Variants in RTL4 observed in about 807,000 individuals in gnomAD.
RTL4 encodes retrotransposon Gag-like protein 4.
Under a neutral mutation model 5.3 loss-of-function variants are expected in RTL4, and 4 were observed. The ratio of observed to expected loss-of-function variants is 0.75; its 90% CI spans 0.37 to 1.72. The LOEUF (loss-of-function observed/expected upper bound fraction) is 1.72, where lower values mean the gene tolerates loss of function less well. Among genes scored for constraint, RTL4 ranks in the 40% most tolerant of loss-of-function variants. RTL4 has a pLI of 0.04. For synonymous variants in RTL4, 98 were observed against 87.3 expected (o/e 1.12, Z -0.68); for missense variants, 260 against 227.1 (o/e 1.14, Z -0.93).
the RTL4 span, among the ~76,000 whole-genome samples, chrX:112,419,581 A>ATATATATTTACATATGTATATG: frequency 1.1e-4 from 4 of 36,000 alleles, no homozygotes; most frequent in South Asian, 1.8e-3. Context: ...GGTAGTATAT[A>ATATATATTTACATATGTATATG]TATATATATA....
rs777394398 is a variant in RTL4 at position 112,456,550 on chromosome X, A to AT, written c.*890dup. 5.3e-3 allele frequency: 1,547 copies of AT among 294,013 alleles called. 3 individuals carry two copies. The highest frequency in any genetic ancestry group is 8.0e-3 in the Non-Finnish European group (1,297 of 161,878). 24.2% of individuals were successfully genotyped at this position (294,013 alleles called of 1,213,427 possible). A position where few individuals can be genotyped will look rare whatever the true frequency, so the allele number is the denominator to read the frequency against. On this transcript the variant is annotated 3_prime_UTR_variant, in exon 1 of 1. Transcript: ENST00000340433. Reference sequence around the variant, plus strand: ...GAAAGGTATTTAGTGAGAGTTGGGGATGGTGTGTCATAATTACTGTATCTG... The same window carrying AT: ...GAAAGGTATTTAGTGAGAGTTGGGGATTGGTGTGTCATAATTACTGTATCTG...
the RTL4 span, among the ~76,000 whole-genome samples, chrX:112,319,733 TTATA>T: frequency 8.9e-6 from 1 of 112,091 alleles, no homozygotes. Context: ...ATAAATGGAA[TTATA>T]TAGTCTGTAG....
At chrX:112,272,775 A>G in the RTL4 span, among the ~76,000 whole-genome samples, 1 of 111,627 alleles carries the variant, frequency 9.0e-6, no homozygotes, top group Admixed American at 9.5e-5. Context: ...TCTAGTGTCC[A>G]TGTGGCCAAT....
chrX:112,147,905 C>A, the RTL4 span, among the ~76,000 whole-genome samples: 1 of 111,596 alleles, frequency 9.0e-6, no homozygotes, highest in Non-Finnish European at 1.9e-5. Context: ...AAAGTCAGAC[C>A]TCCCCCTCTC....
the RTL4 span, among the ~76,000 whole-genome samples, chrX:112,446,094 C>T: frequency 8.9e-6 from 1 of 111,968 alleles, no homozygotes; most frequent in Non-Finnish European, 1.9e-5. Context: ...TCTTTTTACA[C>T]TCCCCAGAAT....
the RTL4 span, among the ~76,000 whole-genome samples, chrX:112,431,651 C>A: frequency 9.0e-6 from 1 of 111,709 alleles, no homozygotes; most frequent in Non-Finnish European, 1.9e-5. Context: ...ACTTCTCTGA[C>A]ACATTTAAGA....
At chrX:112,362,386 C>A in the RTL4 span, among the ~76,000 whole-genome samples, 1 of 111,558 alleles carries the variant, frequency 9.0e-6, no homozygotes, top group African/African-American at 3.3e-5. Context: ...GAAGAAAAGA[C>A]GATAACATGT....
the RTL4 span, among the ~76,000 whole-genome samples, chrX:112,343,395 G>A: frequency 9.0e-6 from 1 of 111,276 alleles, no homozygotes; most frequent in Non-Finnish European, 1.9e-5. Flanking sequence ...CTTACTTTTC[G>A]GGATCTTGAT....
At chrX:112,117,724 T>C in the RTL4 span, among the ~76,000 whole-genome samples, 10 of 111,778 alleles carry the variant, frequency 8.9e-5, no homozygotes, top group African/African-American at 3.2e-4. Context: ...GTACAATTAG[T>C]GGGTAATAAA....
chrX:112,376,407 T>C, the RTL4 span, among the ~76,000 whole-genome samples: 47 of 111,638 alleles, frequency 4.2e-4, no homozygotes, highest in East Asian at 0.013. Context: ...CAAGTTCAAC[T>C]TATGATGGAT....
chrX:112,445,827 A>G, the RTL4 span, among the ~76,000 whole-genome samples: 1 of 111,962 alleles, frequency 8.9e-6, no homozygotes, highest in Non-Finnish European at 1.9e-5. Context: ...TAAATGAACA[A>G]CCTTCTGTGG....
the RTL4 span, among the ~76,000 whole-genome samples, chrX:112,201,149 C>G: frequency 5.5e-4 from 61 of 110,838 alleles, no homozygotes; most frequent in Non-Finnish European, 1.0e-3. Context: ...AAGTGCTGAG[C>G]GAAGGGAGAA....
At chrX:112,128,659 CAA>C in the RTL4 span, among the ~76,000 whole-genome samples, 2 of 41,121 alleles carry the variant, frequency 4.9e-5, no homozygotes, top group African/African-American at 6.1e-5. Context: ...CTCTGTCTCA[CAA>C]AAAAAAAAAA....
chrX:112,347,345 A>T, the RTL4 span, among the ~76,000 whole-genome samples: 3 of 111,933 alleles, frequency 2.7e-5, no homozygotes, highest in African/African-American at 9.7e-5. Flanking sequence ...GGGAGAAATC[A>T]TTTCTTCCTT....
chrX:112,390,140 T>C, the RTL4 span, among the ~76,000 whole-genome samples: 1 of 43,048 alleles, frequency 2.3e-5, no homozygotes, highest in Non-Finnish European at 4.1e-5. Context: ...TATATATATA[T>C]ATATATATAT....
the RTL4 span, among the ~76,000 whole-genome samples, chrX:112,388,062 TTTTCCA>T: frequency 8.9e-6 from 1 of 112,241 alleles, no homozygotes; most frequent in Admixed American, 9.5e-5. Flanking sequence ...GCATGGAATG[TTTTCCA>T]TTTGTTTCTG....
the RTL4 span, among the ~76,000 whole-genome samples, chrX:112,266,710 C>T: frequency 1.8e-5 from 2 of 111,279 alleles, no homozygotes; most frequent in Non-Finnish European, 3.8e-5. Flanking sequence ...ATATCAGTAC[C>T]TTCTCCTTTC....
At chrX:112,401,389 C>G in the RTL4 span, among the ~76,000 whole-genome samples, 2 of 111,588 alleles carry the variant, frequency 1.8e-5, no homozygotes. Context: ...TATATCCTAT[C>G]TACTGCTGCC....
chrX:112,365,759 T>C, the RTL4 span, among the ~76,000 whole-genome samples: 1 of 111,498 alleles, frequency 9.0e-6, no homozygotes, highest in African/African-American at 3.3e-5. Context: ...CCTGCCCACA[T>C]AGGCAATGGG....
Sources: allele counts gnomAD v4.1 joint callset (sites outside exome capture counted in the v4.1 genomes callset), GRCh38; gene constraint gnomAD v4.1.1; transcripts MANE v1.5; gene names NCBI Gene and HGNC (gene_info 2026-07-23, HGNC 2026-07-21).